FRMD4A: variants seen among roughly 807,000 people sequenced by gnomAD.
FRMD4A encodes FERM domain-containing protein 4A.
A neutral mutation model predicts 129.1 loss-of-function variants in FRMD4A; 29 were observed. That is an observed-to-expected ratio of 0.22 (90% CI 0.17 to 0.31). The LOEUF is 0.31. Among genes scored for constraint, FRMD4A ranks in the 10% least tolerant of loss-of-function variants. The pLI is 1.00. For missense variants in FRMD4A, 1,272 were observed against 1,375.8 expected (o/e 0.92, Z 1.19); for synonymous variants, 634 against 571.6 (o/e 1.11, Z -1.56).
chr10:14,283,037 G>C (rs752083718), intron 2 of FRMD4A, among the ~76,000 whole-genome samples: 8 of 152,200 alleles, frequency 5.3e-5, no homozygotes, highest in Non-Finnish European at 8.8e-5. Context: ...ATTGCCACTG[G>C]ACATTTAAGA....
At chr10:13,683,111 T>G (rs1007673052) in intron 15 of FRMD4A, among the ~76,000 whole-genome samples, 3 of 151,652 alleles carry the variant, frequency 2.0e-5, no homozygotes, top group African/African-American at 7.3e-5. Flanking sequence ...CTCCGCCTCC[T>G]GGGTTCAAGT....
chr10:13,726,921 G>A (rs2089935131), intron 12 of FRMD4A, among the ~76,000 whole-genome samples: 1 of 147,404 alleles, frequency 6.8e-6, no homozygotes. Context: ...TCTGAGACAG[G>A]GTCCCACGAT....
At chr10:14,214,797 G>A (rs1445973344) in intron 2 of FRMD4A, among the ~76,000 whole-genome samples, 1 of 152,170 alleles carries the variant, frequency 6.6e-6, no homozygotes, top group Non-Finnish European at 1.5e-5. Flanking sequence ...AATATAGAAA[G>A]GAAGGAAGCC....
rs3033977 is a variant in FRMD4A at position 14,129,371 on chromosome 10, CATATATATATAT to C, written c.45+200675_45+200686del. 6.9e-3 allele frequency among the ~76,000 whole-genome samples: 321 copies of C among 46,218 alleles called. 1 individual carries two copies. The highest frequency in any genetic ancestry group is 0.023 in the Middle Eastern group (2 of 88). The allele number at this position is 46,218 out of a possible 152,430, so 30.3% of individuals were successfully genotyped here. A position where few individuals can be genotyped will look rare whatever the true frequency, so the allele number is the denominator to read the frequency against. ...AATTTAAAACAACACAATTATGATT[CATATATATATAT>C]ATATATATATATATATATATATATA... On this transcript the variant is annotated intron_variant, in intron 2 of 24. Coordinates refer to ENST00000357447, the MANE Select transcript of FRMD4A (RefSeq NM_018027.5).
At chr10:14,051,954 G>A (rs143540914) in intron 2 of FRMD4A, among the ~76,000 whole-genome samples, 2 of 152,362 alleles carry the variant, frequency 1.3e-5, no homozygotes, top group East Asian at 3.9e-4. Context: ...GGAATAGGGT[G>A]GTTGCAGATG....
intron 2 of FRMD4A, among the ~76,000 whole-genome samples, chr10:14,156,275 G>T (rs368291306): frequency 3.3e-5 from 5 of 152,040 alleles, no homozygotes; most frequent in African/African-American, 1.2e-4. Context: ...CATGATGAAT[G>T]AATTACAACA....
intron 2 of FRMD4A, among the ~76,000 whole-genome samples, chr10:14,160,665 C>A (rs990542897): frequency 3.3e-5 from 5 of 152,136 alleles, no homozygotes; most frequent in African/African-American, 1.2e-4. Flanking sequence ...AGAAGACATA[C>A]AAATGGCCAA....
chr10:13,825,088 C>A (rs1385380625), intron 3 of FRMD4A, among the ~76,000 whole-genome samples: 1 of 151,980 alleles, frequency 6.6e-6, no homozygotes, highest in East Asian at 1.9e-4. Context: ...TGCTTTTTGT[C>A]CTATACATAC....
chr10:14,068,105 T>C (rs978122148), intron 2 of FRMD4A, among the ~76,000 whole-genome samples: 3 of 152,210 alleles, frequency 2.0e-5, no homozygotes, highest in Non-Finnish European at 4.4e-5. Context: ...TTTCAAAGTA[T>C]AAATATTTCG....
chr10:13,724,327 G>A (rs1271658269), intron 12 of FRMD4A, among the ~76,000 whole-genome samples: 1 of 152,100 alleles, frequency 6.6e-6, no homozygotes, highest in African/African-American at 2.4e-5. Flanking sequence ...GGCGGACGTT[G>A]CAGTGAGCTG....
At chr10:13,707,545 C>T (rs2087590340) in intron 12 of FRMD4A, 1 of 1,000,050 alleles carries the variant, frequency 1.0e-6, no homozygotes. Flanking sequence ...GGAGCGGTAG[C>T]CATCTGCGTG....
chr10:13,987,108 T>G (rs932918140), intron 2 of FRMD4A, among the ~76,000 whole-genome samples: 3 of 152,264 alleles, frequency 2.0e-5, no homozygotes, highest in Non-Finnish European at 4.4e-5. Flanking sequence ...ACCTTAGTTC[T>G]TGGACTTAGG....
At chr10:13,963,926 T>C (rs968943078) in intron 2 of FRMD4A, among the ~76,000 whole-genome samples, 1 of 152,130 alleles carries the variant, frequency 6.6e-6, no homozygotes, top group Non-Finnish European at 1.5e-5. Flanking sequence ...ACATGGATGT[T>C]CATTCTAGCC....
At chr10:13,993,852 TA>T (rs397695448) in intron 2 of FRMD4A, among the ~76,000 whole-genome samples, 4 of 151,160 alleles carry the variant, frequency 2.6e-5, no homozygotes, top group Non-Finnish European at 5.9e-5. Flanking sequence ...TTTTTTTTTT[TA>T]AAAAAATATA....
chr10:14,170,563 T>C (rs76734428), intron 2 of FRMD4A, among the ~76,000 whole-genome samples: 7,442 of 152,226 alleles, frequency 0.049, 370 homozygotes, highest in East Asian at 0.14. Context: ...AGTTAGGTGA[T>C]TGTAAACTGA....
At chr10:13,848,842 G>C (rs1375786300) in intron 3 of FRMD4A, among the ~76,000 whole-genome samples, 1 of 152,158 alleles carries the variant, frequency 6.6e-6, no homozygotes, top group African/African-American at 2.4e-5. Flanking sequence ...AGGGGGAAAC[G>C]ACTTAGCTGC....
intron 2 of FRMD4A, among the ~76,000 whole-genome samples, chr10:14,131,403 C>CCCT (rs1439944138): frequency 6.6e-6 from 1 of 151,720 alleles, no homozygotes; most frequent in East Asian, 2.0e-4. Flanking sequence ...TGTGCCCCCC[C>CCCT]CGGCCGCCCT....
chr10:14,039,379 C>T (rs111615939), intron 2 of FRMD4A, among the ~76,000 whole-genome samples: 1,686 of 110,970 alleles, frequency 0.015, 25 homozygotes, highest in African/African-American at 0.053. Flanking sequence ...TCCATCCATC[C>T]ATCCATCCAT....
intron 8 of FRMD4A, among the ~76,000 whole-genome samples, chr10:13,759,698 G>T (rs371396116): frequency 6.6e-6 from 1 of 152,256 alleles, no homozygotes; most frequent in African/African-American, 2.4e-5. Context: ...AATAAAAATT[G>T]TAACAAGATT....
Sources: allele counts gnomAD v4.1 joint callset (sites outside exome capture counted in the v4.1 genomes callset), GRCh38; gene constraint gnomAD v4.1.1; transcripts MANE v1.5; gene names NCBI Gene and HGNC (gene_info 2026-07-23, HGNC 2026-07-21).